Variants in DLGAP2 observed in about 807,000 individuals in gnomAD.
DLGAP2 encodes disks large-associated protein 2.
In DLGAP2, 26 loss-of-function variants were observed where a neutral mutation model predicts 100.3. The observed-to-expected ratio is 0.26, with a 90% CI of 0.19 to 0.36. The LOEUF is 0.36. Ranked by LOEUF, DLGAP2 falls within the 10% of genes least tolerant of loss-of-function variation. DLGAP2 has a pLI of 1.00. For missense variants in DLGAP2, 1,858 were observed against 1,453.2 expected, an observed-to-expected ratio of 1.28 and a Z score of -4.53; for synonymous variants, 886 against 630.1, an observed-to-expected ratio of 1.41 and a Z score of -6.08.
At chr8:1,284,829 T>G (rs1799890476) in intron 3 of DLGAP2, among the ~76,000 whole-genome samples, 1 of 152,186 alleles carries the variant, frequency 6.6e-6, no homozygotes, top group Admixed American at 6.5e-5. Flanking sequence ...TAGGCTGGTC[T>G]GGAACTTCTG....
chr8:893,689 G>A (rs2128996064), intron 1 of DLGAP2, among the ~76,000 whole-genome samples: 1 of 152,344 alleles, frequency 6.6e-6, no homozygotes, highest in East Asian at 1.9e-4. Context: ...CGGCCCTCCT[G>A]CCTGCAGGTC....
At chr8:1,033,048 A>C (rs1396844580) in intron 2 of DLGAP2, 1 of 152,250 alleles carries the variant, frequency 6.6e-6, no homozygotes, top group Non-Finnish European at 1.5e-5. Context: ...AAATGATAGC[A>C]GTTCTAATGC....
At chr8:1,059,395 T>C (rs897710382) in intron 2 of DLGAP2, among the ~76,000 whole-genome samples, 3 of 152,136 alleles carry the variant, frequency 2.0e-5, no homozygotes, top group African/African-American at 7.2e-5. Context: ...GCCGCACTCC[T>C]GAGCCCGAAG....
intron 1 of DLGAP2, among the ~76,000 whole-genome samples, chr8:902,129 G>C (rs924407049): frequency 1.3e-5 from 2 of 152,236 alleles, no homozygotes; most frequent in Non-Finnish European, 2.9e-5. Context: ...GCTGGACTGA[G>C]GCTGGGGCTA....
chr8:1,291,276 T>C (rs1462647776), intron 3 of DLGAP2, among the ~76,000 whole-genome samples: 3 of 152,146 alleles, frequency 2.0e-5, no homozygotes, highest in Non-Finnish European at 4.4e-5. Context: ...TCAAGAGAAC[T>C]CTGCTAACAT....
chr8:1,385,751 C>T (rs1202069298), intron 3 of DLGAP2, among the ~76,000 whole-genome samples: 1 of 149,454 alleles, frequency 6.7e-6, no homozygotes, highest in Non-Finnish European at 1.5e-5. Flanking sequence ...GTTACCCCGG[C>T]CTATGCCCAT....
intron 2 of DLGAP2, among the ~76,000 whole-genome samples, chr8:999,760 T>C (rs540986353): frequency 6.6e-6 from 1 of 152,354 alleles, no homozygotes; most frequent in East Asian, 1.9e-4. Context: ...ATTATAGGCG[T>C]GAGTCACTGC....
intron 1 of DLGAP2, among the ~76,000 whole-genome samples, chr8:773,863 A>G (rs1821437152): frequency 6.6e-6 from 1 of 152,162 alleles, no homozygotes; most frequent in African/African-American, 2.4e-5. Context: ...GTATATACCC[A>G]GTAATGGGAT....
chr8:1,195,596 T>C (rs1054482468), intron 2 of DLGAP2, among the ~76,000 whole-genome samples: 1 of 152,242 alleles, frequency 6.6e-6, no homozygotes, highest in Admixed American at 6.5e-5. Flanking sequence ...AATTCACTCA[T>C]AAAACATCTA....
chr8:1,074,919 C>T (rs1178966731), intron 2 of DLGAP2, among the ~76,000 whole-genome samples: 1 of 152,118 alleles, frequency 6.6e-6, no homozygotes, highest in Non-Finnish European at 1.5e-5. Flanking sequence ...TCTCCTTGGT[C>T]ACCTTGCAGT....
chr8:1,668,671 G>A lies in DLGAP2; in HGVS notation c.2153G>A (p.Gly718Glu), dbSNP rs961065028. ...ELLKSRCSSIGIQDSEFPEHQ... is the reference protein window; with the variant it reads ...ELLKSRCSSIEIQDSEFPEHQ... ...CTCAAGAGCCGCTGCTCCTCCATCGGGATTCAGGTAGCTGCTCTTGGCCGC... is the reference window on the plus strand; with the variant it reads ...CTCAAGAGCCGCTGCTCCTCCATCGAGATTCAGGTAGCTGCTCTTGGCCGC... The change falls in exon 9 of 15, where the codon GGG becomes GAG. Residue 718 changes from glycine to glutamate, a missense_variant. Transcript: ENST00000637795. The A allele has an allele frequency of 1.3e-6, 2 of 1,547,354 alleles. No homozygotes were observed. The highest frequency in any genetic ancestry group is 2.4e-5 in the East Asian group (1 of 41,730).
intron 1 of DLGAP2, among the ~76,000 whole-genome samples, chr8:820,688 T>C (rs758228557): frequency 2.6e-4 from 40 of 152,210 alleles, no homozygotes; most frequent in Non-Finnish European, 5.0e-4. Context: ...TTTGGGCTCA[T>C]GTGCATATCC....
rs1053025743 is a variant in DLGAP2, at chr8:1,201,840, CAT to C, written c.74-57010_74-57009del. Among the ~76,000 whole-genome samples, 47 of 152,048 alleles carry C rather than the reference CAT, an allele frequency of 3.1e-4. 1 individual carries two copies. The highest frequency in any genetic ancestry group is 1.6e-3 in the Admixed American group (25 of 15,290). Reference sequence around the variant, plus strand: ...TGCGGTGTAGGTGCTTGTGTGTACACATGTGTGTATGTGTACGGTATCTATCT... The same window carrying C: ...TGCGGTGTAGGTGCTTGTGTGTACACGTGTGTATGTGTACGGTATCTATCT... On this transcript the variant is annotated intron_variant, in intron 2 of 14. Coordinates refer to ENST00000637795, the MANE Select transcript of DLGAP2 (RefSeq NM_001346810.2).
intron 1 of DLGAP2, among the ~76,000 whole-genome samples, chr8:844,179 G>C (rs747241817): frequency 2.6e-4 from 40 of 152,360 alleles, no homozygotes; most frequent in Non-Finnish European, 4.9e-4. Context: ...AAGTGTGTTT[G>C]TGAGAGTGAG....
At chr8:1,176,940 A>G (rs560100012) in intron 2 of DLGAP2, among the ~76,000 whole-genome samples, 1 of 152,204 alleles carries the variant, frequency 6.6e-6, no homozygotes, top group Non-Finnish European at 1.5e-5. Flanking sequence ...AAGCAGCACA[A>G]TTCTGGGAAC....
In DLGAP2 at chr8:1,676,569, G is replaced by A. The variant is rs748082745; in HGVS notation, c.2239G>A (p.Gly747Ser). ...TATDSDTESR[G>S]LREYHSVGVQ... is the part of the protein sequence containing the mutation. ...CACAGATTCTGACACGGAGAGCCGC[G>A]GTCTGCGGGAATACCACTCTGTCGG... The change falls in exon 11 of 15, where the codon GGT (glycine) becomes AGT (serine). Residue 747 changes from glycine (G) to serine (S), a missense_variant. Coordinates refer to ENST00000637795, the MANE Select transcript of DLGAP2 (RefSeq NM_001346810.2). 3.1e-6 allele frequency: 5 copies of A among 1,613,392 alleles called. No homozygotes were observed. The highest frequency in any genetic ancestry group is 2.2e-5 in the East Asian group (1 of 44,888).
intron 2 of DLGAP2, among the ~76,000 whole-genome samples, chr8:972,124 C>G (rs544065455): frequency 6.6e-6 from 1 of 152,268 alleles, no homozygotes; most frequent in South Asian, 2.1e-4. Context: ...ACATTTTAAC[C>G]TCTTAAACCT....
At chr8:752,512 C>T (rs552459407) in intron 1 of DLGAP2, among the ~76,000 whole-genome samples, 20 of 152,220 alleles carry the variant, frequency 1.3e-4, no homozygotes, top group Non-Finnish European at 2.2e-4. Context: ...CAGCACCAGC[C>T]GCCTGGGCTC....
At chr8:758,788 C>A (rs1820984768) in intron 1 of DLGAP2, among the ~76,000 whole-genome samples, 1 of 152,096 alleles carries the variant, frequency 6.6e-6, no homozygotes, top group African/African-American at 2.4e-5. Flanking sequence ...TCCTGAACTC[C>A]TGGGCTCAAG....
Sources: allele counts gnomAD v4.1 joint callset (sites outside exome capture counted in the v4.1 genomes callset), GRCh38; gene constraint gnomAD v4.1.1; transcripts MANE v1.5; gene names NCBI Gene and HGNC (gene_info 2026-07-23, HGNC 2026-07-21).